ARHGEF4: variants seen among roughly 807,000 people sequenced by gnomAD.
ARHGEF4 encodes the protein Rho guanine nucleotide exchange factor 4, also known as APC-stimulated guanine nucleotide exchange factor 1.
In ARHGEF4, 119 loss-of-function variants were observed where a neutral mutation model predicts 162.0. The observed-to-expected ratio is 0.73, with a 90% CI of 0.63 to 0.86. The LOEUF is 0.86. ARHGEF4 is among the 40% of genes least tolerant of loss of function. ARHGEF4 has a pLI of 0.00. For synonymous variants in ARHGEF4, 1,014 were observed against 979.9 expected (o/e 1.03, Z -0.65); for missense variants, 2,488 against 2,456.0 (o/e 1.01, Z -0.28).
chr2:130,956,099 C>A (rs1346124092), intron 4 of ARHGEF4, among the ~76,000 whole-genome samples: 2 of 152,222 alleles, frequency 1.3e-5, no homozygotes, highest in African/African-American at 4.8e-5. Context: ...GAACCACCAC[C>A]TTAGAAGCAG....
At chr2:130,879,025 CA>C (rs1330800499) in intron 1 of ARHGEF4, among the ~76,000 whole-genome samples, 1 of 152,162 alleles carries the variant, frequency 6.6e-6, no homozygotes, top group Non-Finnish European at 1.5e-5. Context: ...ACGGCTCAGG[CA>C]GAGGCTCAGA....
At chr2:130,850,092 C>T (rs1254218776) in intron 1 of ARHGEF4, among the ~76,000 whole-genome samples, 2 of 152,176 alleles carry the variant, frequency 1.3e-5, no homozygotes, top group Admixed American at 6.5e-5. Context: ...GGAGCCTCCC[C>T]TACTGCTGGG....
chr2:130,837,310 C>A, intron 1 of ARHGEF4: 1 of 356,974 alleles, frequency 2.8e-6, no homozygotes, highest in Non-Finnish European at 5.1e-6. Context: ...CCGTCCTGGG[C>A]GCGCGGGGCA....
rs1574219202 is a variant in ARHGEF4 at position 130,914,476 on chromosome 2, T to C, written c.530T>C (p.Val177Ala). 5 of 1,433,318 alleles carry C rather than the reference T, an allele frequency of 3.5e-6. No homozygotes were observed. Among genetic ancestry groups the C allele is most frequent in the African/African-American group, 1.4e-5 (1 of 69,578 alleles). The allele number at this position is 1,433,318 out of a possible 1,614,324, so 88.8% of individuals were successfully genotyped here. Residue 177 changes from valine (V) to alanine (A), a missense_variant, in exon 2 of 14, where the codon GTT (valine) becomes GCT (alanine). Val to Ala is a moderately conservative substitution (Grantham distance 64). Coordinates refer to ENST00000409359, the MANE Select transcript of ARHGEF4 (RefSeq NM_001367493.1). ...SLERESLLAG[V>A]PRHTGCCLQR... ...GAGCGAGAGTCTTTGCTGGCAGGGG[T>C]TCCCCGACACACAGGGTGCTGCTTA...
At chr2:130,952,881 A>G (rs1684039855) in intron 4 of ARHGEF4, among the ~76,000 whole-genome samples, 1 of 152,312 alleles carries the variant, frequency 6.6e-6, no homozygotes, top group African/African-American at 2.4e-5. Context: ...GAGAACTACA[A>G]ACCACTGCTC....
chr2:131,016,037 C>T (rs889404035), intron 4 of ARHGEF4, among the ~76,000 whole-genome samples: 1 of 152,132 alleles, frequency 6.6e-6, no homozygotes, highest in Non-Finnish European at 1.5e-5. Context: ...CTCTCACCCT[C>T]CTTCTTGCTT....
chr2:130,840,072 G>T (rs1354873901), intron 1 of ARHGEF4, among the ~76,000 whole-genome samples: 1 of 152,062 alleles, frequency 6.6e-6, no homozygotes, highest in African/African-American at 2.4e-5. Flanking sequence ...ACCTACTTCC[G>T]TGAATTCCTG....
chr2:131,036,276 A>C (rs1260649406), intron 5 of ARHGEF4, among the ~76,000 whole-genome samples: 2 of 152,250 alleles, frequency 1.3e-5, no homozygotes, highest in Non-Finnish European at 2.9e-5. Context: ...TGGTGACAAC[A>C]CAAACAGTTC....
At chr2:130,925,085 T>TGA (rs138553262) in intron 2 of ARHGEF4, among the ~76,000 whole-genome samples, 11,326 of 136,018 alleles carry the variant, frequency 0.083, 447 homozygotes, top group Non-Finnish European at 0.11. Context: ...TGTGTGCGTC[T>TGA]GAGAGAGAGA....
At chr2:130,850,087 C>T (rs542097561) in intron 1 of ARHGEF4, among the ~76,000 whole-genome samples, 1 of 152,316 alleles carries the variant, frequency 6.6e-6, no homozygotes, top group South Asian at 2.1e-4. Flanking sequence ...CACCGGGAGC[C>T]TCCCCTACTG....
intron 2 of ARHGEF4, among the ~76,000 whole-genome samples, chr2:130,921,123 T>C (rs1681848050): frequency 6.6e-6 from 1 of 152,216 alleles, no homozygotes. Flanking sequence ...TGGCCTGTTT[T>C]GAGGTTTATA....
intron 4 of ARHGEF4, among the ~76,000 whole-genome samples, chr2:130,987,816 T>G (rs562988181): frequency 1.1e-4 from 17 of 152,266 alleles, no homozygotes; most frequent in Admixed American, 9.2e-4. Context: ...TAGTGAGAGA[T>G]ATGGATTAAT....
At chr2:130,971,091 T>A (rs1206490277) in intron 4 of ARHGEF4, among the ~76,000 whole-genome samples, 1 of 152,242 alleles carries the variant, frequency 6.6e-6, no homozygotes, top group Non-Finnish European at 1.5e-5. Context: ...GTTAATTTTT[T>A]AAGGTTCAAG....
chr2:130,866,277 G>A (rs1000412633), intron 1 of ARHGEF4, among the ~76,000 whole-genome samples: 24 of 152,104 alleles, frequency 1.6e-4, no homozygotes, highest in African/African-American at 5.8e-4. Context: ...CCAGCTACTC[G>A]GGAGACTGAG....
intron 1 of ARHGEF4, among the ~76,000 whole-genome samples, chr2:130,895,651 T>C (rs916935792): frequency 6.6e-6 from 1 of 152,250 alleles, no homozygotes; most frequent in African/African-American, 2.4e-5. Flanking sequence ...TTTGTTTAAG[T>C]GTTGGCTCAA....
rs1182636744 is a variant in ARHGEF4, at chr2:131,041,469, G to A, written c.4895+7G>A. The stretch of plus-strand genomic sequence containing the variant: ...ACACGCACCCCCAGCACAGGTAGGA[G>A]GGCACTGAGGCAGGGAGGCAGCCCA... On this transcript the variant is annotated splice_region_variant and intron_variant, in intron 9 of 13. Transcript: ENST00000409359. 1.2e-6 allele frequency: 2 copies of A among 1,608,558 alleles called. No individual in the cohort carries two copies. The highest frequency in any genetic ancestry group is 2.2e-5 in the East Asian group (1 of 44,808).
At chr2:130,925,425 A>G (rs1682181143) in intron 2 of ARHGEF4, among the ~76,000 whole-genome samples, 1 of 152,204 alleles carries the variant, frequency 6.6e-6, no homozygotes, top group Non-Finnish European at 1.5e-5. Context: ...ATCCAAAGCA[A>G]AAAAAGAAAA....
chr2:130,847,910 G>A (rs1027459082), intron 1 of ARHGEF4, among the ~76,000 whole-genome samples: 13 of 152,218 alleles, frequency 8.5e-5, no homozygotes, highest in African/African-American at 3.1e-4. Flanking sequence ...TGAGAGGCTA[G>A]GTCTGAGCCT....
chr2:131,041,521 G>A (rs1002174451), intron 9 of ARHGEF4, 59 bp downstream of exon 9: 37 of 1,527,724 alleles, frequency 2.4e-5, no homozygotes, highest in Middle Eastern at 1.7e-4. Context: ...CAGTCAGCCA[G>A]TTTGAGCATT....
Sources: allele counts gnomAD v4.1 joint callset (sites outside exome capture counted in the v4.1 genomes callset), GRCh38; gene constraint gnomAD v4.1.1; transcripts MANE v1.5; gene names NCBI Gene and HGNC (gene_info 2026-07-23, HGNC 2026-07-21).